The following PPP2R5E variants were observed in gnomAD, a reference collection of about 807,000 sequenced individuals.
PPP2R5E encodes the protein protein phosphatase 2 regulatory subunit B'epsilon, also known as serine/threonine-protein phosphatase 2A 56 kDa regulatory subunit epsilon isoform.
PPP2R5E carries 4 observed loss-of-function variants against 65.3 expected under a neutral mutation model. The ratio of observed to expected loss-of-function variants is 0.06; its 90% CI spans 0.03 to 0.14. The LOEUF (loss-of-function observed/expected upper bound fraction) is 0.14. PPP2R5E is among the 10% of genes least tolerant of loss of function. The pLI, the probability that PPP2R5E is intolerant of heterozygous loss-of-function variation, is 1.00. For missense variants in PPP2R5E, 274 were observed against 556.1 expected, an observed-to-expected ratio of 0.49 and a Z score of 5.10; for synonymous variants, 183 against 187.4, an observed-to-expected ratio of 0.98 and a Z score of 0.19.
chr14:63,381,506 A>C (rs763333469), intron 13 of PPP2R5E, among the ~76,000 whole-genome samples: 9 of 148,848 alleles, frequency 6.0e-5, no homozygotes, highest in Non-Finnish European at 8.9e-5. Flanking sequence ...GGCAGAAGTG[A>C]AATATTATTA....
intron 5 of PPP2R5E, among the ~76,000 whole-genome samples, chr14:63,412,016 A>G (rs1200697367): frequency 1.3e-5 from 2 of 152,214 alleles, no homozygotes; most frequent in African/African-American, 4.8e-5. Context: ...TTAATCAATG[A>G]CTTAGATGAG....
intron 3 of PPP2R5E, among the ~76,000 whole-genome samples, chr14:63,445,076 G>C (rs1371572794): frequency 6.6e-6 from 1 of 152,208 alleles, no homozygotes; most frequent in Non-Finnish European, 1.5e-5. Context: ...ATTTATAACA[G>C]AAGAAACTGA....
intron 2 of PPP2R5E, among the ~76,000 whole-genome samples, chr14:63,534,069 C>T (rs1011335139): frequency 3.3e-5 from 5 of 152,166 alleles, no homozygotes; most frequent in South Asian, 2.1e-4. Context: ...TTAAAGTCAA[C>T]GCAAGGAAAT....
intron 5 of PPP2R5E, among the ~76,000 whole-genome samples, chr14:63,406,425 A>C (rs901487309): frequency 6.6e-6 from 1 of 151,712 alleles, no homozygotes; most frequent in Non-Finnish European, 1.5e-5. Context: ...AAAAAAAAAA[A>C]AGAAAAAGAA....
At chr14:63,514,974 G>T (rs1594959707) in intron 2 of PPP2R5E, among the ~76,000 whole-genome samples, 1 of 152,138 alleles carries the variant, frequency 6.6e-6, no homozygotes, top group East Asian at 1.9e-4. Context: ...TTTCTGCCTA[G>T]CTCCCAAACC....
chr14:63,455,836 T>C (rs1171297603), intron 2 of PPP2R5E, among the ~76,000 whole-genome samples: 8 of 152,122 alleles, frequency 5.3e-5, no homozygotes, highest in Non-Finnish European at 1.2e-4. Context: ...AAAAGCTTTT[T>C]TTTTTTTAGT....
chr14:63,479,243 A>G (rs1174997898), intron 2 of PPP2R5E: 1 of 152,210 alleles, frequency 6.6e-6, no homozygotes, highest in Non-Finnish European at 1.5e-5. Context: ...TCTCTGGAAG[A>G]TTAACTTCTA....
chr14:63,408,310 C>G (rs145634788), intron 5 of PPP2R5E, among the ~76,000 whole-genome samples: 1 of 152,128 alleles, frequency 6.6e-6, no homozygotes, highest in African/African-American at 2.4e-5. Flanking sequence ...ATTGTTGGGT[C>G]TAAATTTAAG....
chr14:63,527,392 A>G (rs1184864575), intron 2 of PPP2R5E, among the ~76,000 whole-genome samples: 1 of 152,234 alleles, frequency 6.6e-6, no homozygotes, highest in African/African-American at 2.4e-5. Flanking sequence ...TATATACTCC[A>G]TATTTTTCTT....
intron 2 of PPP2R5E, among the ~76,000 whole-genome samples, chr14:63,481,794 A>T (rs1245590636): frequency 6.6e-6 from 1 of 152,188 alleles, no homozygotes; most frequent in Non-Finnish European, 1.5e-5. Context: ...TTTTAAAATG[A>T]TATATTTTTA....
intron 2 of PPP2R5E, among the ~76,000 whole-genome samples, chr14:63,470,692 G>A (rs73274669): frequency 0.029 from 4,297 of 149,520 alleles, 186 homozygotes; most frequent in African/African-American, 0.096. Flanking sequence ...TACTTTCACA[G>A]GATCATAAAA....
chr14:63,521,074 T>C (rs2139725798), intron 2 of PPP2R5E, among the ~76,000 whole-genome samples: 1 of 152,030 alleles, frequency 6.6e-6, no homozygotes, highest in South Asian at 2.1e-4. Flanking sequence ...GCATATAATG[T>C]ATTTTATTCA....
chr14:63,393,519 T>A (rs117588845), intron 8 of PPP2R5E, among the ~76,000 whole-genome samples: 1 of 152,020 alleles, frequency 6.6e-6, no homozygotes, highest in Non-Finnish European at 1.5e-5. Context: ...CCAGACCATC[T>A]TGGCCAACAT....
chr14:63,424,289 G>C (rs1363078686), intron 3 of PPP2R5E, among the ~76,000 whole-genome samples: 2 of 152,150 alleles, frequency 1.3e-5, no homozygotes, highest in Non-Finnish European at 2.9e-5. Flanking sequence ...CAGGGATCTA[G>C]TTAGAGACAT....
intron 3 of PPP2R5E, among the ~76,000 whole-genome samples, chr14:63,450,120 C>G (rs1345712825): frequency 6.6e-6 from 1 of 152,158 alleles, no homozygotes. Context: ...AAGTGATCCA[C>G]GCGCCTCAGC....
At chr14:63,415,489 G>A (rs1385103077) in intron 4 of PPP2R5E, among the ~76,000 whole-genome samples, 1 of 152,058 alleles carries the variant, frequency 6.6e-6, no homozygotes. Context: ...GACAACCACT[G>A]TTAACATTTC....
At chr14:63,475,486 A>C (rs555680085) in intron 2 of PPP2R5E, among the ~76,000 whole-genome samples, 1 of 152,392 alleles carries the variant, frequency 6.6e-6, no homozygotes, top group East Asian at 1.9e-4. Context: ...TGAAAGTCTA[A>C]GGAAGCTTAT....
intron 11 of PPP2R5E, among the ~76,000 whole-genome samples, chr14:63,389,187 T>C (rs1884861557): frequency 1.3e-5 from 2 of 151,966 alleles, no homozygotes; most frequent in African/African-American, 4.8e-5. Flanking sequence ...CATTTATAAA[T>C]AATGTACCTA....
chr14:63,389,070 T>C (rs1054680197), intron 11 of PPP2R5E, among the ~76,000 whole-genome samples: 2 of 151,396 alleles, frequency 1.3e-5, no homozygotes, highest in African/African-American at 4.9e-5. Flanking sequence ...ACACCAAAGA[T>C]CAAAATTTGA....
Sources: gnomAD v4.1 joint callset for allele counts (sites outside exome capture counted in the v4.1 genomes callset) on GRCh38, gnomAD v4.1.1 for gene constraint, MANE v1.5 for transcripts, NCBI Gene and HGNC (gene_info 2026-07-23, HGNC 2026-07-21) for gene names.